Variants in SEC16A observed in about 807,000 individuals in gnomAD.
SEC16A encodes the protein protein transport protein Sec16A.
In SEC16A, 110 loss-of-function variants were observed where a neutral mutation model predicts 221.9. The ratio of observed to expected loss-of-function variants is 0.50; its 90% CI spans 0.42 to 0.58. SEC16A has a LOEUF of 0.58. Ranked by LOEUF, SEC16A falls within the 20% of genes least tolerant of loss-of-function variation. SEC16A has a pLI of 0.00. For missense variants in SEC16A, 3,165 were observed against 3,097.8 expected (o/e 1.02, Z -0.52); for synonymous variants, 1,393 against 1,257.7 (o/e 1.11, Z -2.28).
rs1837806089 is a variant in SEC16A, at chr9:136,451,499, T to G, written c.6160-91A>C. 1.5e-5 allele frequency: 21 copies of G among 1,399,394 alleles called. No homozygotes were observed. In the South Asian group the frequency reaches 3.0e-4, roughly 20 times the overall value. 86.7% of individuals were successfully genotyped at this position (1,399,394 alleles called of 1,614,324 possible). On this transcript the variant is annotated intron_variant, in intron 22 of 31. Coordinates refer to ENST00000684901, the MANE Select transcript of SEC16A (RefSeq NM_014866.2). Reference sequence around the variant, plus strand: ...GATGCAATTCCCCAGGCGTGTTTCCTAAATACATCACTGAGAGGCCGGATG... The same window carrying G: ...GATGCAATTCCCCAGGCGTGTTTCCGAAATACATCACTGAGAGGCCGGATG...
chr9:136,456,742 C>G (rs938480439), intron 18 of SEC16A, among the ~76,000 whole-genome samples: 39 of 152,328 alleles, frequency 2.6e-4, no homozygotes, highest in African/African-American at 9.1e-4. Context: ...CTCCCATACT[C>G]TCGTCAGTCA....
In SEC16A at chr9:136,455,657, G is replaced by A. The variant is rs748018933; in HGVS notation, c.5801C>T (p.Ala1934Val). The A allele has an allele frequency of 1.0e-5, 16 of 1,591,550 alleles. No individual in the cohort carries two copies. Among genetic ancestry groups the A allele is most frequent in the African/African-American group, 5.4e-5 (4 of 74,394 alleles). Residue 1934 changes from alanine to valine, a missense_variant, in exon 20 of 32, where the codon GCG becomes GTG. Physicochemically the swap from Ala to Val is moderately conservative, Grantham distance 64 (BLOSUM62 0). Transcript: ENST00000684901. ...GTGCTCAGGGCTCGGTGCAGGCACC[G>A]CCAGCAGAGGGTTGGCGATCCCCAG... is the stretch of plus-strand genomic sequence containing the variant. Reference protein sequence around the residue: ...GALGIANPLLAVPAPSPEHSS... With the variant: ...GALGIANPLLVVPAPSPEHSS...
At position 136,463,738 on chromosome 9, in the gene SEC16A, G is replaced by C; in HGVS notation, c.4449C>G (p.Ala1483=). Residue 1483 remains alanine, a splice_region_variant and synonymous_variant, in exon 10 of 32, where the codon GCC becomes GCG. Transcript: ENST00000684901. ...PALVEVHSME[A]LLQHTSEQEE... ...CCTGCTCAGACGTGTGCTGCAGCAA[G>C]GCCTACGAGGAGAGGGCCGTGGGTC... The C allele has an allele frequency of 1.2e-6, 2 of 1,611,816 alleles. No homozygotes were observed. The highest frequency in any genetic ancestry group is 8.5e-7 in the Non-Finnish European group (1 of 1,179,726).
Position 136,460,181 on chromosome 9 carries a change from G to A in SEC16A, c.4992-58C>T, listed in dbSNP as rs368526793. 153 of 1,410,516 alleles carry A rather than the reference G, an allele frequency of 1.1e-4. No homozygotes were observed. In the African/African-American group the frequency reaches 1.4e-3, roughly 13 times the overall value. The allele number at this position is 1,410,516 out of a possible 1,614,324, so 87.4% of individuals were successfully genotyped here. On this transcript the variant is annotated intron_variant, in intron 13 of 31. Coordinates refer to ENST00000684901, the MANE Select transcript of SEC16A (RefSeq NM_014866.2). ...CTGGCTCAGCTAAAAGAAAAAAGCC[G>A]GCCGGACATGATGGCTCACGCCTGT...
chr9:136,479,493 C>T (rs1842051355), intron 1 of SEC16A, among the ~76,000 whole-genome samples: 1 of 152,084 alleles, frequency 6.6e-6, no homozygotes, highest in African/African-American at 2.4e-5. Context: ...GCTGGGACTA[C>T]AGGCACCTGC....
Position 136,459,891 on chromosome 9 carries a change from C to CA in SEC16A, c.5074-18dup. 1 of 1,604,154 alleles carries CA rather than the reference C, an allele frequency of 6.2e-7. No individual in the cohort carries two copies. Among genetic ancestry groups the CA allele is most frequent in the Non-Finnish European group, 8.5e-7 (1 of 1,173,428 alleles). ...TCCACAGCACTAACATGAGGAAAAA[C>CA]AAAACGAAGCCTCATCCCCGGAAGC... On this transcript the variant is annotated splice_polypyrimidine_tract_variant and intron_variant, in intron 14 of 31. Coordinates refer to ENST00000684901, the MANE Select transcript of SEC16A (RefSeq NM_014866.2). The surrounding 1 kb of genome is among the most constrained non-coding windows in gnomAD (Gnocchi z 6.1).
Position 136,466,104 on chromosome 9 carries a change from G to A in SEC16A, c.4161C>T (p.Ala1387=), listed in dbSNP as rs749767518. 19 of 1,605,584 alleles carry A rather than the reference G, an allele frequency of 1.2e-5. No homozygotes were observed. In the Admixed American group the frequency reaches 1.5e-4, roughly 13 times the overall value. ...GAGGAAGCGGGGCCTCGTAGGAACC[G>A]GCAGCCACATTGTGGCTTCTGTAAA... is the stretch of plus-strand genomic sequence containing the variant. ...SQIYRSHNVA[A]GSYEAPLPPG... Residue 1387 remains alanine, a synonymous_variant, in exon 8 of 32, where the codon GCC becomes GCT. Coordinates refer to ENST00000684901, the MANE Select transcript of SEC16A (RefSeq NM_014866.2). This position sits in a 1 kb window ranked among gnomAD's most constrained non-coding sequence, Gnocchi z 5.5.
In SEC16A at chr9:136,475,163, G is replaced by A. The variant is rs199651983; in HGVS notation, c.2453C>T (p.Pro818Leu). Reference protein sequence around the residue: ...SSGYASLLSSPPTESLQNPPV... With the variant: ...SSGYASLLSSLPTESLQNPPV... ...AGGATTCTGCAGAGACTCAGTGGGCGGTGAGGATAATAAACTTGCATAACC... is the reference window on the plus strand; with the variant it reads ...AGGATTCTGCAGAGACTCAGTGGGCAGTGAGGATAATAAACTTGCATAACC... The change falls in exon 3 of 32, where the codon CCG becomes CTG. Residue 818 changes from proline (P) to leucine (L), a missense_variant. By Grantham distance (98) the Pro-to-Leu change is moderately conservative (BLOSUM62 -3). Transcript: ENST00000684901. This position sits in a 1 kb window ranked among gnomAD's most constrained non-coding sequence, Gnocchi z 5.0. 62 of 1,613,824 alleles carry A rather than the reference G, an allele frequency of 3.8e-5. No individual in the cohort carries two copies. The highest frequency in any genetic ancestry group is 1.6e-4 in the Middle Eastern group (1 of 6,062).
At chr9:136,463,765 G>A (rs532891409) in intron 9 of SEC16A, 25 bp from the exon 10 acceptor site, 10 of 1,610,450 alleles carry the variant, frequency 6.2e-6, no homozygotes, top group Non-Finnish European at 7.6e-6. Context: ...CCGTGGGTCA[G>A]TGGCAGCCAG....
intron 20 of SEC16A, among the ~76,000 whole-genome samples, chr9:136,455,201 C>G (rs2132127342): frequency 6.6e-6 from 1 of 152,332 alleles, no homozygotes; most frequent in East Asian, 1.9e-4. Flanking sequence ...CTCCCTGGAG[C>G]TCTGGGCTGG....
rs567202651 is a variant in SEC16A, at chr9:136,440,552, C to T, written c.*1203G>A. On this transcript the variant is annotated 3_prime_UTR_variant, in exon 32 of 32. Transcript: ENST00000684901. ...ATTTTTATTAGTATTTAAATCTTTT[C>T]TTCAGTCTCTTTAGACTTGACAAGA... The T allele has an allele frequency of 1.3e-5, 2 of 152,798 alleles. No homozygotes were observed. Among genetic ancestry groups the T allele is most frequent in the East Asian group, 1.9e-4 (1 of 5,332 alleles). The allele number at this position is 152,798 out of a possible 1,614,324, so 9.5% of individuals were successfully genotyped here.
intron 19 of SEC16A, 27 bp from the exon 20 acceptor site, chr9:136,455,820 G>A (rs761154265): frequency 3.2e-6 from 5 of 1,563,964 alleles, no homozygotes; most frequent in Non-Finnish European, 4.3e-6. Flanking sequence ...CCTGCCCTGT[G>A]GAAGCCGCCT....
At chr9:136,460,409 C>G (rs967276789) in intron 13 of SEC16A, among the ~76,000 whole-genome samples, 1 of 152,030 alleles carries the variant, frequency 6.6e-6, no homozygotes, top group Non-Finnish European at 1.5e-5. Context: ...GAGCTGGGAT[C>G]GTGCCACTGC....
rs1217537208 is a variant in SEC16A at position 136,471,959 on chromosome 9, G to A, written c.3704+16C>T. 6.2e-7 allele frequency: 1 copy of A among 1,609,972 alleles called. No homozygotes were observed. The highest frequency in any genetic ancestry group is 2.2e-5 in the East Asian group (1 of 44,886). Reference sequence around the variant, plus strand: ...TGAGTAGGACAGAGAGGCAGCCAGGGTGGGCGCGGCCGCACCTGGGAGGTG... The same window carrying A: ...TGAGTAGGACAGAGAGGCAGCCAGGATGGGCGCGGCCGCACCTGGGAGGTG... On this transcript the variant is annotated intron_variant, in intron 4 of 31. Coordinates refer to ENST00000684901, the MANE Select transcript of SEC16A (RefSeq NM_014866.2).
intron 1 of SEC16A, among the ~76,000 whole-genome samples, chr9:136,482,607 C>T (rs952659895): frequency 2.0e-5 from 3 of 152,270 alleles, no homozygotes; most frequent in Non-Finnish European, 4.4e-5. Flanking sequence ...ACAAGACACG[C>T]TCATTTGAAA....
chr9:136,476,919 G>A lies in SEC16A; in HGVS notation c.697C>T (p.Pro233Ser). The A allele has an allele frequency of 1.2e-6, 2 of 1,611,898 alleles. No individual in the cohort carries two copies. Among genetic ancestry groups the A allele is most frequent in the Non-Finnish European group, 1.7e-6 (2 of 1,179,546 alleles). The change falls in exon 3 of 32, where the codon CCT becomes TCT. Residue 233 changes from proline (P) to serine (S), a missense_variant. Around this residue, in one of 3 missense-constraint regions of SEC16A, gnomAD observed 2,030 missense variants for 1,923.1 expected, o/e 1.06. Transcript: ENST00000684901. Reference protein sequence around the residue: ...QPSGQHRSPCPEGPVPSGVPC... With the variant: ...QPSGQHRSPCSEGPVPSGVPC... ...ACCCCGCTGGGAACAGGTCCTTCAGGGCAGGGTGAACGATGTTGCCCCGAG... is the reference window on the plus strand; with the variant it reads ...ACCCCGCTGGGAACAGGTCCTTCAGAGCAGGGTGAACGATGTTGCCCCGAG...
Position 136,441,594 on chromosome 9 carries a change from T to C in SEC16A, c.*161A>G. The C allele has an allele frequency of 1.7e-6, 1 of 599,524 alleles. No individual in the cohort carries two copies. Among genetic ancestry groups the C allele is most frequent in the South Asian group, 2.0e-5 (1 of 50,398 alleles). The allele number at this position is 599,524 out of a possible 1,614,324, so 37.1% of individuals were successfully genotyped here. ...TGGTGGAATTAATTTTCAAAATAAT[T>C]CATTACGATGGGCGGTGAGGAGGGA... On this transcript the variant is annotated 3_prime_UTR_variant, in exon 32 of 32. Transcript: ENST00000684901.
intron 4 of SEC16A, among the ~76,000 whole-genome samples, chr9:136,469,145 C>T (rs566319705): frequency 1.3e-4 from 20 of 152,300 alleles, no homozygotes; most frequent in East Asian, 5.8e-4. Context: ...CCACAGTGCC[C>T]GGTCTCACTG....
upstream of SEC16A, chr9:136,483,151 TCAGCCCTTCA>T (rs1332221771): frequency 3.5e-5 from 14 of 394,370 alleles, no homozygotes; most frequent in Middle Eastern, 2.7e-3. Context: ...GCGTTCTCTT[TCAGCCCTTCA>T]CAGCCCATCC....
Sources: gnomAD v4.1 joint callset for allele counts (sites outside exome capture counted in the v4.1 genomes callset) on GRCh38, gnomAD v4.1.1 for gene constraint, gnomAD v4.1.1 regional missense constraint, Gnocchi (gnomAD v3.1) non-coding constraint, MANE v1.5 for transcripts, NCBI Gene and HGNC (gene_info 2026-07-23, HGNC 2026-07-21) for gene names.